Variants in PCDH15 observed in about 807,000 individuals in gnomAD.
The protein encoded by PCDH15 is protocadherin related 15.
A neutral mutation model predicts 178.5 loss-of-function variants in PCDH15; 129 were observed. The ratio of observed to expected loss-of-function variants is 0.72; its 90% CI spans 0.63 to 0.84. PCDH15 has a LOEUF of 0.84. PCDH15 is among the 40% of genes least tolerant of loss of function. The probability of loss-of-function intolerance (pLI) is 0.00; values close to 1 mark genes in which losing one functional copy is unlikely to be tolerated. For synonymous variants in PCDH15, 800 were observed against 732.0 expected (o/e 1.09, Z -1.50); for missense variants, 2,230 against 2,099.9 (o/e 1.06, Z -1.21).
chr10:55,527,290 G>T (rs767735698), intron 2 of PCDH15, among the ~76,000 whole-genome samples: 12 of 152,044 alleles, frequency 7.9e-5, no homozygotes, highest in Non-Finnish European at 1.8e-4. Context: ...GTGTCAGCCA[G>T]AATGGTTCCT....
chr10:54,722,771 C>G (rs1451373029), intron 1 of PCDH15, among the ~76,000 whole-genome samples: 1 of 151,442 alleles, frequency 6.6e-6, no homozygotes, highest in Non-Finnish European at 1.5e-5. Context: ...AGAACCAAAT[C>G]AAGAATCAAT....
chr10:54,038,287 C>T (rs1203180914), intron 18 of PCDH15, among the ~76,000 whole-genome samples: 1 of 151,796 alleles, frequency 6.6e-6, no homozygotes, highest in African/African-American at 2.4e-5. Flanking sequence ...TCTTGTATGA[C>T]TTGAAGAAAA....
At chr10:54,775,702 G>A (rs1256414809) in intron 1 of PCDH15, among the ~76,000 whole-genome samples, 2 of 152,044 alleles carry the variant, frequency 1.3e-5, no homozygotes, top group African/African-American at 4.8e-5. Context: ...TCGAGACCAC[G>A]AGGAAACCCC....
intron 2 of PCDH15, among the ~76,000 whole-genome samples, chr10:55,045,358 C>A (rs554541298): frequency 6.6e-6 from 1 of 152,132 alleles, no homozygotes; most frequent in South Asian, 2.1e-4. Context: ...GAAAAATTTA[C>A]ACTTCCTTGA....
chr10:54,268,156 T>C (rs971232575), intron 8 of PCDH15, among the ~76,000 whole-genome samples: 4 of 151,538 alleles, frequency 2.6e-5, no homozygotes, highest in African/African-American at 7.3e-5. Flanking sequence ...TTTAACATAA[T>C]TGATAAAAAT....
intron 1 of PCDH15, among the ~76,000 whole-genome samples, chr10:54,716,038 C>G (rs927900161): frequency 2.0e-5 from 3 of 152,122 alleles, no homozygotes; most frequent in African/African-American, 7.2e-5. Flanking sequence ...CCTGAGGCAG[C>G]AGAAGTTTCT....
chr10:53,856,253 T>A (rs1035028899), intron 28 of PCDH15, among the ~76,000 whole-genome samples: 9 of 151,128 alleles, frequency 6.0e-5, no homozygotes, highest in Admixed American at 1.3e-4. Context: ...GAAAAAAAAA[T>A]TTAAAATAAT....
At chr10:55,468,290 C>T (rs924586786) in intron 2 of PCDH15, 2 of 152,006 alleles carry the variant, frequency 1.3e-5, no homozygotes, top group African/African-American at 2.4e-5. Flanking sequence ...GTTGTTAGGG[C>T]ATTAGATCAC....
At chr10:55,272,555 G>C (rs563965098) in intron 1 of PCDH15, among the ~76,000 whole-genome samples, 1 of 151,480 alleles carries the variant, frequency 6.6e-6, no homozygotes, top group Admixed American at 6.6e-5. Context: ...CTAATTTTTC[G>C]TATTGTTAGT....
At chr10:54,223,315 A>AG (rs1321919612) in intron 9 of PCDH15, among the ~76,000 whole-genome samples, 1 of 120,920 alleles carries the variant, frequency 8.3e-6, no homozygotes, top group East Asian at 2.0e-4. Flanking sequence ...AAAAAAAAAA[A>AG]AAAAAAAAAG....
chr10:54,952,348 C>T (rs1047099574), intron 2 of PCDH15, among the ~76,000 whole-genome samples: 1 of 151,786 alleles, frequency 6.6e-6, no homozygotes, highest in Non-Finnish European at 1.5e-5. Flanking sequence ...GATCTCTGTT[C>T]TGTTTCATTG....
At chr10:54,759,837 T>G (rs949375671) in intron 1 of PCDH15, among the ~76,000 whole-genome samples, 1 of 152,204 alleles carries the variant, frequency 6.6e-6, no homozygotes, top group Non-Finnish European at 1.5e-5. Context: ...TTTGAGGTAA[T>G]GGGTGCCTCT....
At chr10:53,820,441 G>A (rs911437715) in intron 32 of PCDH15, among the ~76,000 whole-genome samples, 11 of 151,954 alleles carry the variant, frequency 7.2e-5, no homozygotes, top group African/African-American at 1.9e-4. Context: ...CTGAAATAAC[G>A]CATTGAAGGG....
At chr10:54,147,088 G>A (rs111632996) in intron 14 of PCDH15, among the ~76,000 whole-genome samples, 2,240 of 149,442 alleles carry the variant, frequency 0.015, 74 homozygotes, top group African/African-American at 0.053. Flanking sequence ...TATAAAAGAA[G>A]TCTGAAAGCA....
intron 6 of PCDH15, among the ~76,000 whole-genome samples, chr10:54,339,557 T>C (rs1941843561): frequency 6.6e-6 from 1 of 152,124 alleles, no homozygotes; most frequent in South Asian, 2.1e-4. Flanking sequence ...AATGAGAAAA[T>C]GAACTTATAC....
In PCDH15 at chr10:53,820,307, A is replaced by AAAAG. The variant is rs1383075575; in HGVS notation, c.4368-81_4368-78dup. ...AAAGTAATTACTCTTGATTTCGATG[A>AAAAG]AAAGATTTTGAAGCAGATGGGCTAA... On this transcript the variant is annotated intron_variant, in intron 32 of 37. Coordinates refer to ENST00000644397, the MANE Select transcript of PCDH15 (RefSeq NM_001384140.1). The AAAAG allele has an allele frequency of 9.3e-5, 37 of 395,922 alleles. No individual in the cohort carries two copies. The East Asian group carries it at 1.2e-3, about 13-fold the overall frequency. 24.5% of individuals were successfully genotyped at this position (395,922 alleles called of 1,614,324 possible). A position where few individuals can be genotyped will look rare whatever the true frequency, so the allele number is the denominator to read the frequency against.
intron 2 of PCDH15, among the ~76,000 whole-genome samples, chr10:54,564,232 C>A (rs780157126): frequency 6.6e-6 from 1 of 152,034 alleles, no homozygotes; most frequent in Non-Finnish European, 1.5e-5. Flanking sequence ...CAGACAAGAT[C>A]CCTAACGACA....
At chr10:54,386,255 T>C (rs1459761270) in intron 3 of PCDH15, among the ~76,000 whole-genome samples, 1 of 150,672 alleles carries the variant, frequency 6.6e-6, no homozygotes, top group Non-Finnish European at 1.5e-5. Context: ...AGCTGATAGC[T>C]GATGAGTTAC....
chr10:54,275,157 T>A (rs575546646), intron 8 of PCDH15, among the ~76,000 whole-genome samples: 1 of 151,878 alleles, frequency 6.6e-6, no homozygotes, highest in African/African-American at 2.4e-5. Context: ...AACAAACAAG[T>A]ACAAGTTGTC....
Sources: allele counts gnomAD v4.1 joint callset (sites outside exome capture counted in the v4.1 genomes callset), GRCh38; gene constraint gnomAD v4.1.1; transcripts MANE v1.5; gene names NCBI Gene and HGNC (gene_info 2026-07-23, HGNC 2026-07-21).